The following LAMP1 variants were observed in gnomAD, a reference collection of about 807,000 sequenced individuals.
The protein encoded by LAMP1 is lysosome associated membrane protein 1.
A neutral mutation model predicts 37.5 loss-of-function variants in LAMP1; 7 were observed. That is an observed-to-expected ratio of 0.19 (90% confidence interval 0.11 to 0.35). LAMP1 has a LOEUF of 0.35. Ranked by LOEUF, LAMP1 falls within the 10% of genes least tolerant of loss-of-function variation. LAMP1 has a pLI of 1.00. For missense variants in LAMP1, 537 were observed against 552.8 expected (o/e 0.97, Z 0.29); for synonymous variants, 236 against 229.1 (o/e 1.03, Z -0.27).
chr13:113,307,796 TAAAAA>T (rs56233302), intron 2 of LAMP1, among the ~76,000 whole-genome samples: 1 of 141,684 alleles, frequency 7.1e-6, no homozygotes, highest in Admixed American at 7.1e-5. Flanking sequence ...ATCTCTTTTT[TAAAAA>T]AAAAAAAAAA....
At position 113,297,244 on chromosome 13, in the gene LAMP1, A is replaced by G. The variant is rs1595454793; in HGVS notation, c.-191A>G. The G allele has an allele frequency of 1.8e-5, 3 of 167,050 alleles. No homozygotes were observed. Among genetic ancestry groups the G allele is most frequent in the South Asian group, 4.0e-4 (2 of 4,974 alleles). The allele number at this position is 167,050 out of a possible 1,614,324, so 10.3% of individuals were successfully genotyped here. A position where few individuals can be genotyped will look rare whatever the true frequency, so the allele number is the denominator to read the frequency against. On this transcript the variant is annotated 5_prime_UTR_variant, in exon 1 of 9. Coordinates refer to ENST00000332556, the MANE Select transcript of LAMP1 (RefSeq NM_005561.4). The surrounding 1 kb of genome is among the most constrained non-coding windows in gnomAD (Gnocchi z 4.4). ...GCCCGGGCGCGGCGCAGCTCACGTG[A>G]CAAGCGCTGCCGGCCGCGGTGTCTT...
intron 4 of LAMP1, among the ~76,000 whole-genome samples, chr13:113,317,295 CG>C (rs2042671049): frequency 6.6e-6 from 1 of 152,170 alleles, no homozygotes; most frequent in Non-Finnish European, 1.5e-5. Context: ...ATGAGCTCTC[CG>C]TCACTGTCCT....
intron 2 of LAMP1, among the ~76,000 whole-genome samples, chr13:113,308,318 C>A (rs1163819104): frequency 7.2e-6 from 1 of 138,570 alleles, no homozygotes; most frequent in Non-Finnish European, 1.5e-5. Context: ...ACCTGGCCTC[C>A]AAGCACTTTT....
chr13:113,310,254 G>A (rs915459547), intron 3 of LAMP1, among the ~76,000 whole-genome samples: 6 of 151,576 alleles, frequency 4.0e-5, no homozygotes, highest in South Asian at 4.2e-4. Context: ...ACAGCCAGGC[G>A]CGGTGGCTCA....
chr13:113,300,972 T>C (rs1170234194), intron 1 of LAMP1, among the ~76,000 whole-genome samples: 2 of 152,178 alleles, frequency 1.3e-5, no homozygotes, highest in Non-Finnish European at 2.9e-5. Flanking sequence ...ATTAGCCCCA[T>C]CCCAGACAAC....
In LAMP1 at chr13:113,309,729, C is replaced by A. The variant is rs1414232152; in HGVS notation, c.270C>A (p.Leu90=). The A allele has an allele frequency of 1.9e-6, 3 of 1,614,174 alleles. No homozygotes were observed. Among genetic ancestry groups the A allele is most frequent in the Non-Finnish European group, 2.5e-6 (3 of 1,180,010 alleles). The change falls in exon 3 of 9, where the codon CTC becomes CTA. Residue 90 remains leucine (L), a synonymous_variant. Coordinates refer to ENST00000332556, the MANE Select transcript of LAMP1 (RefSeq NM_005561.4). ...AAGAGAACACTTCTGACCCCAGTCTCGTGATTGCTTTTGGAAGAGGACATA... is the reference window on the plus strand; with the variant it reads ...AAGAGAACACTTCTGACCCCAGTCTAGTGATTGCTTTTGGAAGAGGACATA... ...CGKENTSDPS[L]VIAFGRGHTL...
chr13:113,315,433 A>C (rs1390963133), intron 4 of LAMP1, among the ~76,000 whole-genome samples: 1 of 114,620 alleles, frequency 8.7e-6, no homozygotes, highest in Non-Finnish European at 1.6e-5. Flanking sequence ...TCTGTTGCCC[A>C]GGCTGGAGTG....
intron 4 of LAMP1, among the ~76,000 whole-genome samples, chr13:113,317,526 A>G (rs2042673001): frequency 6.6e-6 from 1 of 152,208 alleles, no homozygotes; most frequent in Admixed American, 6.5e-5. Context: ...TGAATGTGCC[A>G]CATGGATCAC....
intron 3 of LAMP1, among the ~76,000 whole-genome samples, chr13:113,310,443 C>G: frequency 6.7e-6 from 1 of 148,964 alleles, no homozygotes; most frequent in Middle Eastern, 3.6e-3. Flanking sequence ...AGAGAATCGC[C>G]TGAACCCAGA....
chr13:113,322,115 C>G, intron 8 of LAMP1, 167 bp from the exon 9 acceptor site: 1 of 729,924 alleles, frequency 1.4e-6, no homozygotes, highest in Non-Finnish European at 2.3e-6. Flanking sequence ...GCAGAGAGCA[C>G]CAGTCTCTGC....
Position 113,322,792 on chromosome 13 carries a change from G to A in LAMP1, c.*371G>A, listed in dbSNP as rs1262972127. 2 of 87,636 alleles carry A rather than the reference G, an allele frequency of 2.3e-5. No homozygotes were observed. Among genetic ancestry groups the A allele is most frequent in the Admixed American group, 1.1e-4 (1 of 9,210 alleles). 5.4% of individuals were successfully genotyped at this position (87,636 alleles called of 1,614,324 possible). On this transcript the variant is annotated 3_prime_UTR_variant, in exon 9 of 9. Transcript: ENST00000332556. ...AGGGGGTGGGGGTGCCGCTTTCTCT[G>A]AGGGGGTGGGGGTGCCGCTCTCTCT...
intron 4 of LAMP1, among the ~76,000 whole-genome samples, chr13:113,319,015 C>T (rs2042682294): frequency 6.6e-6 from 1 of 152,382 alleles, no homozygotes; most frequent in East Asian, 1.9e-4. Context: ...CCCGACAGCT[C>T]AGGGAGCAGT....
Position 113,309,562 on chromosome 13 carries a change from C to G in LAMP1, c.184-81C>G, listed in dbSNP as rs2042617943. The G allele has an allele frequency of 3.8e-6, 4 of 1,053,752 alleles. No individual in the cohort carries two copies. In the Admixed American group the frequency reaches 6.8e-5, roughly 18 times the overall value. 65.3% of individuals were successfully genotyped at this position (1,053,752 alleles called of 1,614,324 possible). ...TTGGAAATGAAGTATAAGTTTATAT[C>G]AGACTTACAGAAAATCTCTTTCTTT... On this transcript the variant is annotated intron_variant, in intron 2 of 8. Transcript: ENST00000332556.
chr13:113,303,940 C>T (rs2042586037), intron 1 of LAMP1, among the ~76,000 whole-genome samples: 2 of 151,992 alleles, frequency 1.3e-5, no homozygotes, highest in South Asian at 4.1e-4. Flanking sequence ...CAAAAAGTAG[C>T]CAGACATGGT....
At chr13:113,317,016 G>C (rs2042669151) in intron 4 of LAMP1, among the ~76,000 whole-genome samples, 1 of 152,208 alleles carries the variant, frequency 6.6e-6, no homozygotes, top group African/African-American at 2.4e-5. Context: ...TGGGAGCTAT[G>C]AGTCGGGAAC....
At position 113,297,915 on chromosome 13, in the gene LAMP1, G is replaced by A. The variant is rs1737386964; in HGVS notation, c.61+420G>A. Among the ~76,000 whole-genome samples the A allele has an allele frequency of 6.6e-6, 1 of 152,152 alleles. No homozygotes were observed. The highest frequency in any genetic ancestry group is 1.5e-5 in the Non-Finnish European group (1 of 68,028). On this transcript the variant is annotated intron_variant, in intron 1 of 8. Coordinates refer to ENST00000332556, the MANE Select transcript of LAMP1 (RefSeq NM_005561.4). The surrounding 1 kb of genome is among the most constrained non-coding windows in gnomAD (Gnocchi z 4.4). Reference sequence around the variant, plus strand: ...GGGACGTCTGTGGTCTCAGCTCCCGGGTGGGTGACCTAGATCAAGCTCTTC... The same window carrying A: ...GGGACGTCTGTGGTCTCAGCTCCCGAGTGGGTGACCTAGATCAAGCTCTTC...
intron 8 of LAMP1, 153 bp from the exon 9 acceptor site, chr13:113,322,129 G>T: frequency 1.2e-6 from 1 of 816,276 alleles, no homozygotes; most frequent in Non-Finnish European, 1.9e-6. Context: ...TCTCTGCAGC[G>T]GCTTCCCCAA....
intron 4 of LAMP1, 126 bp downstream of exon 4, chr13:113,310,993 G>A (rs1168758745): frequency 1.3e-5 from 9 of 716,198 alleles, no homozygotes; most frequent in South Asian, 3.8e-5. Flanking sequence ...GCACACAGCC[G>A]GCGACGTCTC....
chr13:113,323,181 C>T lies in LAMP1; in HGVS notation c.*760C>T, dbSNP rs372926640. On this transcript the variant is annotated 3_prime_UTR_variant, in exon 9 of 9. Transcript: ENST00000332556. ...GTTCCAGTGGCGGCACGTCCTTGGG[C>T]GTCTCTAATGTCTGCAGCTCAAGGG... is the stretch of plus-strand genomic sequence containing the variant. 1.3e-5 allele frequency: 2 copies of T among 152,108 alleles called. No homozygotes were observed. The highest frequency in any genetic ancestry group is 4.8e-5 in the African/African-American group (2 of 41,396). 9.4% of individuals were successfully genotyped at this position (152,108 alleles called of 1,614,324 possible).
Sources: gnomAD v4.1 joint callset for allele counts (sites outside exome capture counted in the v4.1 genomes callset) on GRCh38, gnomAD v4.1.1 for gene constraint, Gnocchi (gnomAD v3.1) non-coding constraint, MANE v1.5 for transcripts, NCBI Gene and HGNC (gene_info 2026-07-23, HGNC 2026-07-21) for gene names.